Variants in MAPKAPK5 observed in about 807,000 individuals in gnomAD.
MAPKAPK5 encodes MAPK activated protein kinase 5, also known as MAP kinase-activated protein kinase 5.
In MAPKAPK5, 30 loss-of-function variants were observed where a neutral mutation model predicts 65.1. The observed-to-expected ratio is 0.46, with a 90% confidence interval of 0.34 to 0.63. MAPKAPK5 has a LOEUF of 0.63. Among genes scored for constraint, MAPKAPK5 ranks in the 20% least tolerant of loss-of-function variants. The pLI, the probability that MAPKAPK5 is intolerant of heterozygous loss-of-function variation, is 0.01. For missense variants in MAPKAPK5, 433 were observed against 581.4 expected, an observed-to-expected ratio of 0.74 and a Z score of 2.63; for synonymous variants, 179 against 204.6, an observed-to-expected ratio of 0.87 and a Z score of 1.07.
At position 111,865,212 on chromosome 12, in the gene MAPKAPK5, A is replaced by T. The variant is rs771277614; in HGVS notation, c.37-38A>T. On this transcript the variant is annotated intron_variant, in intron 1 of 13. Transcript: ENST00000550735. ...TGCTTATTCAGTTTGTTAACTGAGG[A>T]ATCATTCTCTGTCCTCTCCCTTTTT... The T allele has an allele frequency of 3.0e-5, 40 of 1,313,150 alleles. No homozygotes were observed. In the South Asian group the frequency reaches 4.6e-4, roughly 15 times the overall value. The allele number at this position is 1,313,150 out of a possible 1,614,324, so 81.3% of individuals were successfully genotyped here. A position where few individuals can be genotyped will look rare whatever the true frequency, so the allele number is the denominator to read the frequency against.
rs2070858516 is a variant in MAPKAPK5, at chr12:111,897,353, G to GAT, written c.*4293_*4294dup. The GAT allele has an allele frequency of 6.6e-6, 1 of 152,194 alleles. No individual in the cohort carries two copies. Among genetic ancestry groups the GAT allele is most frequent in the African/African-American group, 2.4e-5 (1 of 41,466 alleles). The allele number at this position is 152,194 out of a possible 1,614,324, so 9.4% of individuals were successfully genotyped here. A position where few individuals can be genotyped will look rare whatever the true frequency, so the allele number is the denominator to read the frequency against. On this transcript the variant is annotated 3_prime_UTR_variant, in exon 14 of 14. Transcript: ENST00000550735. ...TAATTGTTGGTCAAAGAAGCCAAAA[G>GAT]ATTTAAATAAGGTCTTGTGTGTGGG...
At chr12:111,890,207 T>G (rs1169319578) in intron 13 of MAPKAPK5, 63 bp downstream of exon 13, 6 of 1,242,116 alleles carry the variant, frequency 4.8e-6, no homozygotes, top group Non-Finnish European at 6.9e-6. Flanking sequence ...TTAGAACATA[T>G]AGGATCTCTT....
intron 1 of MAPKAPK5, among the ~76,000 whole-genome samples, chr12:111,858,765 G>C (rs371298092): frequency 6.9e-6 from 1 of 145,872 alleles, no homozygotes; most frequent in Admixed American, 6.8e-5. Context: ...CTGGTCTCGA[G>C]CTCCTGACCT....
intron 12 of MAPKAPK5, 170 bp from the exon 13 acceptor site, chr12:111,889,870 G>C (rs941254393): frequency 1.8e-6 from 1 of 570,408 alleles, no homozygotes; most frequent in African/African-American, 1.9e-5. Flanking sequence ...CCACATACCA[G>C]ATGCGGTCTA....
At chr12:111,892,445 C>G (rs1488139791) in intron 13 of MAPKAPK5, among the ~76,000 whole-genome samples, 7 of 152,126 alleles carry the variant, frequency 4.6e-5, no homozygotes, top group Admixed American at 4.6e-4. Flanking sequence ...CCAACTCTTG[C>G]TATTGTCTTT....
rs1452623669 is a variant in MAPKAPK5, at chr12:111,900,321, C to T, written c.*7260C>T. The T allele has an allele frequency of 8.8e-6, 4 of 456,000 alleles. No homozygotes were observed. Among genetic ancestry groups the T allele is most frequent in the African/African-American group, 6.0e-5 (3 of 50,078 alleles). 28.2% of individuals were successfully genotyped at this position (456,000 alleles called of 1,614,324 possible). A position where few individuals can be genotyped will look rare whatever the true frequency, so the allele number is the denominator to read the frequency against. ...TTTTGCGGCAGCTGTTGAATCCTTC[C>T]ATCATGAAGATGTGCTGTTGTTTGC... On this transcript the variant is annotated 3_prime_UTR_variant, in exon 14 of 14. Coordinates refer to ENST00000550735, the MANE Select transcript of MAPKAPK5 (RefSeq NM_003668.4).
rs1435537612 is a variant in MAPKAPK5, at chr12:111,842,420, C to A, written c.-314C>A. 4.2e-6 allele frequency: 1 copy of A among 239,554 alleles called. No homozygotes were observed. Among genetic ancestry groups the A allele is most frequent in the Admixed American group, 5.6e-5 (1 of 17,764 alleles). 14.8% of individuals were successfully genotyped at this position (239,554 alleles called of 1,614,324 possible). Reference sequence around the variant, plus strand: ...CACGGCGCCCCGGGTCGAGGCCCTCCCCGCCTCGCCCTACCCCAGGAGCCT... The same window carrying A: ...CACGGCGCCCCGGGTCGAGGCCCTCACCGCCTCGCCCTACCCCAGGAGCCT... On this transcript the variant is annotated 5_prime_UTR_variant, in exon 1 of 14. Transcript: ENST00000550735.
At chr12:111,878,405 TTTA>T (rs1187784545) in intron 7 of MAPKAPK5, among the ~76,000 whole-genome samples, 1 of 148,982 alleles carries the variant, frequency 6.7e-6, no homozygotes, top group Non-Finnish European at 1.5e-5. Flanking sequence ...GTTCTATTTA[TTTA>T]TTATTTATTT....
chr12:111,858,540 CTTTTTTTTT>C (rs60767498), intron 1 of MAPKAPK5, among the ~76,000 whole-genome samples: 1 of 126,760 alleles, frequency 7.9e-6, no homozygotes, highest in African/African-American at 3.1e-5. Context: ...TTGAGCACCT[CTTTTTTTTT>C]TTTTTTTTTT....
intron 1 of MAPKAPK5, among the ~76,000 whole-genome samples, chr12:111,853,084 A>G (rs973620157): frequency 2.6e-5 from 4 of 151,988 alleles, no homozygotes; most frequent in Non-Finnish European, 5.9e-5. Flanking sequence ...TGATAAATGT[A>G]TTCCTGTTTT....
chr12:111,846,500 C>CT lies in MAPKAPK5; in HGVS notation c.36+3746dup, dbSNP rs200305971. ...ATCAATAATTCATAAGTTTCTTTTTCTTTTTTTTTTTTTTTGAGACGGTCT... is the reference window on the plus strand; with the variant it reads ...ATCAATAATTCATAAGTTTCTTTTTCTTTTTTTTTTTTTTTTGAGACGGTCT... On this transcript the variant is annotated intron_variant, in intron 1 of 13. Coordinates refer to ENST00000550735, the MANE Select transcript of MAPKAPK5 (RefSeq NM_003668.4). 0.059 allele frequency among the ~76,000 whole-genome samples: 6,276 copies of CT among 107,058 alleles called. 1,113 individuals carry two copies. In the East Asian group the frequency reaches 0.68, roughly 12 times the overall value. The allele number at this position is 107,058 out of a possible 152,430, so 70.2% of individuals were successfully genotyped here. A position where few individuals can be genotyped will look rare whatever the true frequency, so the allele number is the denominator to read the frequency against.
chr12:111,858,066 G>C (rs1015315688), intron 1 of MAPKAPK5, among the ~76,000 whole-genome samples: 15 of 151,864 alleles, frequency 9.9e-5, no homozygotes, highest in African/African-American at 3.6e-4. Context: ...CACTACACCA[G>C]GCTAAATTTT....
At position 111,901,595 on chromosome 12, in the gene MAPKAPK5, C is replaced by A; in HGVS notation, c.*8534C>A. On this transcript the variant is annotated 3_prime_UTR_variant, in exon 14 of 14. Coordinates refer to ENST00000550735, the MANE Select transcript of MAPKAPK5 (RefSeq NM_003668.4). ...TCCAGCAGTGGCTCCACCACCGGCC[C>A]CAGAAATAAAGCCAGAAGCAGCAGA... 2 of 288,586 alleles carry A rather than the reference C, an allele frequency of 6.9e-6. No homozygotes were observed. Among genetic ancestry groups the A allele is most frequent in the East Asian group, 9.6e-5 (1 of 10,432 alleles). The allele number at this position is 288,586 out of a possible 1,614,324, so 17.9% of individuals were successfully genotyped here.
rs2070902922 is a variant in MAPKAPK5, at chr12:111,898,609, TA to T, written c.*5549del. On this transcript the variant is annotated 3_prime_UTR_variant, in exon 14 of 14. Coordinates refer to ENST00000550735, the MANE Select transcript of MAPKAPK5 (RefSeq NM_003668.4). ...ATTAGGAAAACTTGGTAGAGAAGAT[TA>T]TATGCAGATATAAAATATCTAAACT... The T allele has an allele frequency of 6.6e-6, 1 of 152,124 alleles. No individual in the cohort carries two copies. Among genetic ancestry groups the T allele is most frequent in the Admixed American group, 6.5e-5 (1 of 15,278 alleles). The allele number at this position is 152,124 out of a possible 1,614,324, so 9.4% of individuals were successfully genotyped here.
At chr12:111,852,383 G>T (rs535940903) in intron 1 of MAPKAPK5, among the ~76,000 whole-genome samples, 2 of 152,162 alleles carry the variant, frequency 1.3e-5, no homozygotes, top group South Asian at 4.1e-4. Context: ...TCATCCTGAA[G>T]ATGGGTGAAG....
chr12:111,857,378 A>T (rs12299256), intron 1 of MAPKAPK5, among the ~76,000 whole-genome samples: 12,896 of 151,958 alleles, frequency 0.085, 643 homozygotes, highest in Middle Eastern at 0.17. Context: ...AGTAGCTGGG[A>T]ATACAGGTGT....
Position 111,883,915 on chromosome 12 carries a change from G to T in MAPKAPK5, c.848+147G>T. 1.2e-6 allele frequency: 1 copy of T among 811,716 alleles called. No individual in the cohort carries two copies. Among genetic ancestry groups the T allele is most frequent in the Non-Finnish European group, 1.9e-6 (1 of 527,734 alleles). 50.3% of individuals were successfully genotyped at this position (811,716 alleles called of 1,614,324 possible). A position where few individuals can be genotyped will look rare whatever the true frequency, so the allele number is the denominator to read the frequency against. ...CAGAAATCTCTCTGGAGCCTGAGGT[G>T]ACTGTTCTCAGTGTCCACACCTTGG... On this transcript the variant is annotated intron_variant, in intron 9 of 13. Coordinates refer to ENST00000550735, the MANE Select transcript of MAPKAPK5 (RefSeq NM_003668.4). This position sits in a 1 kb window ranked among gnomAD's most constrained non-coding sequence, Gnocchi z 4.8.
At chr12:111,851,969 GA>G (rs1382471298) in intron 1 of MAPKAPK5, among the ~76,000 whole-genome samples, 9 of 152,200 alleles carry the variant, frequency 5.9e-5, no homozygotes, top group Non-Finnish European at 1.0e-4. Flanking sequence ...GGAATTAATA[GA>G]AGATGACTTG....
At chr12:111,863,709 C>T (rs974806035) in intron 1 of MAPKAPK5, among the ~76,000 whole-genome samples, 1 of 151,538 alleles carries the variant, frequency 6.6e-6, no homozygotes, top group African/African-American at 2.4e-5. Flanking sequence ...TGGGTTCAAG[C>T]CACTCTTCTG....
Sources: gnomAD v4.1 joint callset for allele counts (sites outside exome capture counted in the v4.1 genomes callset) on GRCh38, gnomAD v4.1.1 for gene constraint, Gnocchi (gnomAD v3.1) non-coding constraint, MANE v1.5 for transcripts, NCBI Gene and HGNC (gene_info 2026-07-23, HGNC 2026-07-21) for gene names.